The following ORMDL1 variants were observed in gnomAD, a reference collection of about 807,000 sequenced individuals.
ORMDL1 encodes the protein ORM1-like protein 1.
In ORMDL1, 10 loss-of-function variants were observed where a neutral mutation model predicts 13.0. The ratio of observed to expected loss-of-function variants is 0.77; its 90% CI spans 0.47 to 1.30. The LOEUF is 1.30. Ranked by LOEUF, ORMDL1 falls within the 50% of genes most tolerant of loss-of-function variation. The pLI is 0.00. For missense variants in ORMDL1, 171 were observed against 186.7 expected (o/e 0.92, Z 0.49); for synonymous variants, 61 against 63.9 (o/e 0.95, Z 0.22).
At chr2:189,768,043 A>G (rs549269064), downstream of ORMDL1, among the ~76,000 whole-genome samples, 11 of 152,340 alleles carry the variant, frequency 7.2e-5, no homozygotes, top group African/African-American at 2.6e-4. Context: ...TTTAAACCCA[A>G]CATAACAAAC....
intron 3 of ORMDL1, chr2:189,778,462 TAAAG>T (rs1268680794): frequency 2.2e-6 from 1 of 455,714 alleles, no homozygotes; most frequent in Non-Finnish European, 4.4e-6. Flanking sequence ...AATTAAAACA[TAAAG>T]AGATAAACTG....
Position 189,775,616 on chromosome 2 carries a change from C to G in ORMDL1, c.275G>C (p.Gly92Ala). The G allele has an allele frequency of 1.9e-6, 3 of 1,613,774 alleles. No individual in the cohort carries two copies. The highest frequency in any genetic ancestry group is 2.5e-6 in the Non-Finnish European group (3 of 1,179,786). The stretch of plus-strand genomic sequence containing the variant: ...CTTCCGTGAAGATGTAAACTGTACT[C>G]CATAGTCCAGTTGTTCCCAATGAGT... ...LLTHWEQLDYGVQFTSSRKFF... is the reference protein window; with the variant it reads ...LLTHWEQLDYAVQFTSSRKFF... Residue 92 changes from glycine to alanine, a missense_variant, in exon 4 of 5, where the codon GGA (glycine) becomes GCA (alanine). Physicochemically the swap from Gly to Ala is moderately conservative, Grantham distance 60 (BLOSUM62 0). Coordinates refer to ENST00000392349, the MANE Select transcript of ORMDL1 (RefSeq NM_016467.5).
chr2:189,782,425 A>G lies in ORMDL1; in HGVS notation c.171T>C (p.Asn57=). 6.2e-7 allele frequency: 1 copy of G among 1,611,328 alleles called. No homozygotes were observed. The highest frequency in any genetic ancestry group is 2.2e-5 in the East Asian group (1 of 44,822). Residue 57 remains asparagine, a synonymous_variant, in exon 3 of 5, where the codon AAT becomes AAC. Transcript: ENST00000392349. ...VAWTLTNIIH[N]LGMYVFLHAV... The stretch of plus-strand genomic sequence containing the variant: ...TAGTATAATGTGAAATTCTTACCAG[A>G]TTATGTATAATATTTGTTAAAGTCC...
intron 4 of ORMDL1, among the ~76,000 whole-genome samples, chr2:189,773,153 T>C (rs2047615766): frequency 6.6e-6 from 1 of 152,240 alleles, no homozygotes; most frequent in African/African-American, 2.4e-5. Context: ...ATGGGTTCTT[T>C]TGACTATAAC....
At chr2:189,769,497 G>A (rs1330414762), downstream of ORMDL1, among the ~76,000 whole-genome samples, 1 of 152,030 alleles carries the variant, frequency 6.6e-6, no homozygotes, top group Admixed American at 6.6e-5. Context: ...AGGTATTAGT[G>A]AAGGAGATAT....
intron 4 of ORMDL1, among the ~76,000 whole-genome samples, chr2:189,773,406 G>C (rs886829319): frequency 6.6e-6 from 1 of 152,082 alleles, no homozygotes; most frequent in African/African-American, 2.4e-5. Flanking sequence ...TCTTCAACAA[G>C]GTAATGCATT....
At chr2:189,765,219 C>T in the ORMDL1 span, 1 of 152,220 alleles carries the variant, frequency 6.6e-6, no homozygotes, top group South Asian at 2.1e-4. Context: ...TGGGTTATTT[C>T]CTTTATGCTA....
At chr2:189,765,839 A>ATTTTTTTTTTTTTTTTTTTTTTTTTTTTT (rs72132150), downstream of ORMDL1, among the ~76,000 whole-genome samples, 1 of 106,750 alleles carries the variant, frequency 9.4e-6, no homozygotes, top group Non-Finnish European at 1.8e-5. Flanking sequence ...TACTTTCTCC[A>ATTTTTTTTTTTTTTTTTTTTTTTTTTTTT]TTTTTTTTTT....
At chr2:189,768,055 A>G (rs1244023125), downstream of ORMDL1, among the ~76,000 whole-genome samples, 7 of 152,184 alleles carry the variant, frequency 4.6e-5, no homozygotes, top group East Asian at 1.3e-3. Context: ...ATAACAAACT[A>G]CTTGCTACAT....
intron 3 of ORMDL1, chr2:189,778,558 G>A: frequency 2.4e-6 from 1 of 414,376 alleles, no homozygotes; most frequent in Non-Finnish European, 4.8e-6. Context: ...CAGTTTTGCT[G>A]TAGGAAATCA....
Position 189,771,716 on chromosome 2 carries a change from CCTTAT to C in ORMDL1, c.*46_*50del. 6.7e-7 allele frequency: 1 copy of C among 1,485,058 alleles called. No homozygotes were observed. The highest frequency in any genetic ancestry group is 9.1e-7 in the Non-Finnish European group (1 of 1,094,136). The allele number at this position is 1,485,058 out of a possible 1,614,324, so 92.0% of individuals were successfully genotyped here. ...CAGTGCAGTTTACTAACCACTCCTT[CCTTAT>C]AAGAAATTCAGTAGCTGTAAAATTT... On this transcript the variant is annotated 3_prime_UTR_variant, in exon 5 of 5. Coordinates refer to ENST00000392349, the MANE Select transcript of ORMDL1 (RefSeq NM_016467.5).
In ORMDL1 at chr2:189,775,831, C is replaced by T. The variant is rs1264336972; in HGVS notation, c.175-115G>A. On this transcript the variant is annotated intron_variant, in intron 3 of 4. Transcript: ENST00000392349. ...TGAGAGTGTGTGATTTAACTGAGTT[C>T]GTTTTAAGCTTTCATATAATAGTGA... The T allele has an allele frequency of 2.5e-5, 24 of 975,474 alleles. No individual in the cohort carries two copies. In the Admixed American group the frequency reaches 3.7e-4, roughly 15 times the overall value. The allele number at this position is 975,474 out of a possible 1,614,324, so 60.4% of individuals were successfully genotyped here. A position where few individuals can be genotyped will look rare whatever the true frequency, so the allele number is the denominator to read the frequency against.
downstream of ORMDL1, among the ~76,000 whole-genome samples, chr2:189,769,765 ATAAT>A (rs1290066432): frequency 6.6e-6 from 1 of 152,200 alleles, no homozygotes; most frequent in Non-Finnish European, 1.5e-5. Flanking sequence ...ATTCTAATAA[ATAAT>A]TATAGAATAA....
intron 4 of ORMDL1, among the ~76,000 whole-genome samples, chr2:189,774,261 C>G (rs909406268): frequency 6.6e-6 from 1 of 152,178 alleles, no homozygotes; most frequent in African/African-American, 2.4e-5. Context: ...TAGGCTCAAA[C>G]CATCTTCCTG....
At chr2:189,773,384 C>G (rs1453345296) in intron 4 of ORMDL1, among the ~76,000 whole-genome samples, 3 of 152,150 alleles carry the variant, frequency 2.0e-5, no homozygotes, top group Admixed American at 6.5e-5. Context: ...TGAACTCCAA[C>G]TAGGTGCAAG....
At chr2:189,768,125 T>C (rs1559185408), downstream of ORMDL1, among the ~76,000 whole-genome samples, 1 of 152,224 alleles carries the variant, frequency 6.6e-6, no homozygotes, top group African/African-American at 2.4e-5. Context: ...GTGATACATC[T>C]CATTCTTTTC....
At chr2:189,778,161 G>A (rs1194428481) in intron 3 of ORMDL1, 4 of 440,460 alleles carry the variant, frequency 9.1e-6, no homozygotes, top group Non-Finnish European at 1.8e-5. Context: ...TTGGGAGGCC[G>A]AGGCGGGCAG....
rs1180528263 is a variant in ORMDL1, at chr2:189,770,520, CT to C, written c.*1246del. 6.6e-6 allele frequency: 1 copy of C among 152,166 alleles called. No individual in the cohort carries two copies. Among genetic ancestry groups the C allele is most frequent in the East Asian group, 1.9e-4 (1 of 5,196 alleles). The allele number at this position is 152,166 out of a possible 1,614,324, so 9.4% of individuals were successfully genotyped here. On this transcript the variant is annotated 3_prime_UTR_variant, in exon 5 of 5. Coordinates refer to ENST00000392349, the MANE Select transcript of ORMDL1 (RefSeq NM_016467.5). ...TTGATGTTTAAGTTGGTCTGTAACT[CT>C]TTTCATTCAATTCTGTTTATAAATG... is the stretch of plus-strand genomic sequence containing the variant.
chr2:189,773,207 G>A (rs2047616817), intron 4 of ORMDL1, among the ~76,000 whole-genome samples: 1 of 152,066 alleles, frequency 6.6e-6, no homozygotes, highest in Non-Finnish European at 1.5e-5. Flanking sequence ...AACTAATTTT[G>A]TGTGTAGATT....
Sources: gnomAD v4.1 joint callset for allele counts (sites outside exome capture counted in the v4.1 genomes callset) on GRCh38, gnomAD v4.1.1 for gene constraint, MANE v1.5 for transcripts, NCBI Gene and HGNC (gene_info 2026-07-23, HGNC 2026-07-21) for gene names.